The following AP2A2 variants were observed in gnomAD, a reference collection of about 807,000 sequenced individuals.
The protein encoded by AP2A2 is AP-2 complex subunit alpha-2.
A neutral mutation model predicts 104.2 loss-of-function variants in AP2A2; 32 were observed. The ratio of observed to expected loss-of-function variants is 0.31; its 90% CI spans 0.23 to 0.41. The LOEUF (loss-of-function observed/expected upper bound fraction) is 0.41. Ranked by LOEUF, AP2A2 falls within the 10% of genes least tolerant of loss-of-function variation. AP2A2 has a pLI of 1.00. For missense variants in AP2A2, 912 were observed against 1,261.0 expected, an observed-to-expected ratio of 0.72 and a Z score of 4.19; for synonymous variants, 539 against 533.3, an observed-to-expected ratio of 1.01 and a Z score of -0.15.
chr11:1,000,612 C>T lies in AP2A2; in HGVS notation c.2123+14C>T, dbSNP rs200459771. The T allele has an allele frequency of 7.1e-4, 1,088 of 1,538,374 alleles. No individual in the cohort carries two copies. Among genetic ancestry groups the T allele is most frequent in the Non-Finnish European group, 9.0e-4 (1,032 of 1,147,388 alleles). ...CAACTTTGCCAGGTAGTCAGGTTTCCTGAGTCCTGCAGACAGGCACGGGGC... is the reference window on the plus strand; with the variant it reads ...CAACTTTGCCAGGTAGTCAGGTTTCTTGAGTCCTGCAGACAGGCACGGGGC... On this transcript the variant is annotated intron_variant, in intron 15 of 21. Transcript: ENST00000448903.
chr11:925,935 G>C lies in AP2A2; in HGVS notation c.-87G>C. The C allele has an allele frequency of 2.8e-6, 3 of 1,062,434 alleles. No individual in the cohort carries two copies. Among genetic ancestry groups the C allele is most frequent in the Non-Finnish European group, 3.7e-6 (3 of 805,188 alleles). The allele number at this position is 1,062,434 out of a possible 1,614,324, so 65.8% of individuals were successfully genotyped here. On this transcript the variant is annotated 5_prime_UTR_variant, in exon 1 of 22. Coordinates refer to ENST00000448903, the MANE Select transcript of AP2A2 (RefSeq NM_012305.4). ...GGCTCCCCGGCGGCTCCTCCGCGGC[G>C]GTGACGGCGACCGCACTCCCCGCTT...
At chr11:955,099 G>C (rs1001344328) in intron 1 of AP2A2, among the ~76,000 whole-genome samples, 12 of 152,184 alleles carry the variant, frequency 7.9e-5, no homozygotes, top group Non-Finnish European at 1.8e-4. Flanking sequence ...GTAAAGTAGA[G>C]GGCACAAACC....
At chr11:974,115 A>G (rs1166219055) in intron 4 of AP2A2, among the ~76,000 whole-genome samples, 1 of 152,044 alleles carries the variant, frequency 6.6e-6, no homozygotes, top group Admixed American at 6.5e-5. Context: ...GCAGGTGGCC[A>G]GTGCACAGCA....
At chr11:958,415 C>G (rs1315826350) in intron 1 of AP2A2, among the ~76,000 whole-genome samples, 1 of 152,172 alleles carries the variant, frequency 6.6e-6, no homozygotes. Context: ...ATTTTATGAC[C>G]ATGAGGAATT....
intron 2 of AP2A2, 89 bp from the exon 3 acceptor site, chr11:970,080 C>A: frequency 6.9e-7 from 1 of 1,443,442 alleles, no homozygotes; most frequent in Non-Finnish European, 9.5e-7. Context: ...GTCCGTGCTG[C>A]CTGCTGTACT....
At chr11:977,255 T>G in intron 5 of AP2A2, 31 bp downstream of exon 5, 1 of 1,551,282 alleles carries the variant, frequency 6.4e-7, no homozygotes, top group Non-Finnish European at 8.7e-7. Context: ...TTCTCCCCGC[T>G]CCCCCAGGTG....
At chr11:958,529 A>G (rs1854314075) in intron 1 of AP2A2, among the ~76,000 whole-genome samples, 1 of 152,238 alleles carries the variant, frequency 6.6e-6, no homozygotes, top group African/African-American at 2.4e-5. Flanking sequence ...AAGAAAGACT[A>G]TTTTAAATGA....
chr11:930,756 G>A (rs1222388153), intron 1 of AP2A2, among the ~76,000 whole-genome samples: 2 of 152,138 alleles, frequency 1.3e-5, no homozygotes, highest in South Asian at 2.1e-4. Context: ...TCCTGACCTC[G>A]TGATCCACCG....
chr11:1,009,044 T>TG, intron 18 of AP2A2, 56 bp from the exon 19 acceptor site: 12 of 1,435,818 alleles, frequency 8.4e-6, no homozygotes, highest in Non-Finnish European at 1.2e-5. Context: ...TCCCGGTCCC[T>TG]GGGGCTCTCA....
At position 1,006,607 on chromosome 11, in the gene AP2A2, C is replaced by T. The variant is rs752018943; in HGVS notation, c.2286C>T (p.Asp762=). Residue 762 remains aspartate, a synonymous_variant, in exon 17 of 22, where the codon GAC becomes GAT. Coordinates refer to ENST00000448903, the MANE Select transcript of AP2A2 (RefSeq NM_012305.4). ...NFTPTLICSD[D]LQPNLNLQTK... ...CCCCAACACTAATCTGTTCAGACGA[C>T]CTTCAGCCTAATATCCTTGGCTTCA... 3 of 1,612,992 alleles carry T rather than the reference C, an allele frequency of 1.9e-6. No homozygotes were observed. The highest frequency in any genetic ancestry group is 1.7e-5 in the Admixed American group (1 of 59,990).
At chr11:981,412 A>G in intron 6 of AP2A2, 113 bp downstream of exon 6, 1 of 928,070 alleles carries the variant, frequency 1.1e-6, no homozygotes, top group Non-Finnish European at 1.7e-6. Flanking sequence ...TTCAGGGATG[A>G]AAACCAACTT....
At chr11:949,644 A>G (rs553599630) in intron 1 of AP2A2, among the ~76,000 whole-genome samples, 1 of 152,084 alleles carries the variant, frequency 6.6e-6, no homozygotes, top group African/African-American at 2.4e-5. Flanking sequence ...GTGTGGTGGC[A>G]TGTGCCTATA....
At chr11:982,812 TG>T (rs1220443715) in intron 6 of AP2A2, among the ~76,000 whole-genome samples, 1 of 150,018 alleles carries the variant, frequency 6.7e-6, no homozygotes, top group Admixed American at 6.6e-5. Flanking sequence ...CCAGCACGCC[TG>T]GCTAATTTTG....
At chr11:988,092 G>A (rs928532507) in intron 9 of AP2A2, among the ~76,000 whole-genome samples, 1 of 152,246 alleles carries the variant, frequency 6.6e-6, no homozygotes, top group African/African-American at 2.4e-5. Flanking sequence ...AGCAGAGCTC[G>A]GGCTTTCTCG....
chr11:967,300 C>T (rs530126249), intron 2 of AP2A2, among the ~76,000 whole-genome samples: 1 of 152,312 alleles, frequency 6.6e-6, no homozygotes, highest in African/African-American at 2.4e-5. Flanking sequence ...TGTGTTGTGA[C>T]CTTACGTTGC....
At chr11:969,001 G>C (rs974049867) in intron 2 of AP2A2, among the ~76,000 whole-genome samples, 1 of 152,042 alleles carries the variant, frequency 6.6e-6, no homozygotes, top group Non-Finnish European at 1.5e-5. Context: ...AGGTGTGAGC[G>C]CCCCAGCCCT....
chr11:964,423 G>A (rs529637829), intron 2 of AP2A2, among the ~76,000 whole-genome samples: 3 of 152,110 alleles, frequency 2.0e-5, no homozygotes, highest in Admixed American at 6.5e-5. Flanking sequence ...ATAAAAATTG[G>A]CATATTCTGG....
intron 1 of AP2A2, among the ~76,000 whole-genome samples, chr11:931,102 T>A (rs1853278081): frequency 1.3e-5 from 2 of 152,176 alleles, no homozygotes; most frequent in African/African-American, 2.4e-5. Flanking sequence ...CTCAAGGATG[T>A]CATATAAAGG....
intron 1 of AP2A2, among the ~76,000 whole-genome samples, chr11:935,300 G>A (rs1853417463): frequency 6.6e-6 from 1 of 151,968 alleles, no homozygotes. Context: ...CTTGTGATCC[G>A]CTAGCCTCGG....
Sources: gnomAD v4.1 joint callset for allele counts (sites outside exome capture counted in the v4.1 genomes callset) on GRCh38, gnomAD v4.1.1 for gene constraint, MANE v1.5 for transcripts, NCBI Gene and HGNC (gene_info 2026-07-23, HGNC 2026-07-21) for gene names.